The following NKAIN3 variants were observed in gnomAD, a reference collection of about 807,000 sequenced individuals.
NKAIN3 encodes sodium/potassium transporting ATPase interacting 3, also known as sodium/potassium-transporting ATPase subunit beta-1-interacting protein 3.
A neutral mutation model predicts 30.2 loss-of-function variants in NKAIN3; 25 were observed. The ratio of observed to expected loss-of-function variants is 0.83; its 90% CI spans 0.60 to 1.16. The LOEUF (loss-of-function observed/expected upper bound fraction) is 1.16, where lower values mean the gene tolerates loss of function less well. Ranked by LOEUF, NKAIN3 falls within the 50% of genes most tolerant of loss-of-function variation. NKAIN3 has a pLI of 0.00. For synonymous variants in NKAIN3, 91 were observed against 89.6 expected, an observed-to-expected ratio of 1.02 and a Z score of -0.09; for missense variants, 225 against 254.1, an observed-to-expected ratio of 0.89 and a Z score of 0.78.
intron 1 of NKAIN3, among the ~76,000 whole-genome samples, chr8:62,427,309 C>A (rs571904280): frequency 6.6e-6 from 1 of 151,924 alleles, no homozygotes; most frequent in Non-Finnish European, 1.5e-5. Context: ...GTTTATGAGG[C>A]CTTGCTATTC....
At chr8:62,407,400 T>TC (rs1585773337) in intron 1 of NKAIN3, among the ~76,000 whole-genome samples, 1 of 36,224 alleles carries the variant, frequency 2.8e-5, no homozygotes, top group East Asian at 1.0e-3. Flanking sequence ...ACTAGATAGT[T>TC]GTTTTTTTTT....
At chr8:62,511,521 G>A (rs993700047) in intron 1 of NKAIN3, among the ~76,000 whole-genome samples, 3 of 152,154 alleles carry the variant, frequency 2.0e-5, no homozygotes, top group African/African-American at 7.2e-5. Flanking sequence ...CAATAGTGGT[G>A]TGATGACTAT....
At chr8:62,401,013 T>TTCTGTCTCTCTCTC (rs1554526679) in intron 1 of NKAIN3, among the ~76,000 whole-genome samples, 1 of 143,744 alleles carries the variant, frequency 7.0e-6, no homozygotes, top group Non-Finnish European at 1.5e-5. Flanking sequence ...CTTTCTACCT[T>TTCTGTCTCTCTCTC]TCTCTCACTC....
Position 62,729,024 on chromosome 8 carries a change from CA to C in NKAIN3, c.274-17893del, listed in dbSNP as rs71501600. ...AAAAAACAAAACAAAACAAACAAAC[CA>C]AAAAAAAAAAAAAACAAAAAAAAAA... On this transcript the variant is annotated intron_variant, in intron 3 of 6. Coordinates refer to ENST00000623646, the MANE Select transcript of NKAIN3 (RefSeq NM_001304533.3). Among the ~76,000 whole-genome samples the C allele has an allele frequency of 2.4e-4, 4 of 16,448 alleles. No individual in the cohort carries two copies. The South Asian group carries it at 8.8e-3, about 36-fold the overall frequency. The allele number at this position is 16,448 out of a possible 152,430, so 10.8% of individuals were successfully genotyped here.
chr8:62,954,052 CCTA>C, intron 6 of NKAIN3, 80 bp downstream of exon 6: 1 of 267,612 alleles, frequency 3.7e-6, no homozygotes, highest in Non-Finnish European at 5.8e-6. Context: ...ATAATTTGAA[CCTA>C]CTACTACTAA....
intron 5 of NKAIN3, among the ~76,000 whole-genome samples, chr8:62,992,162 C>T (rs952380285): frequency 6.6e-6 from 1 of 151,760 alleles, no homozygotes; most frequent in Non-Finnish European, 1.5e-5. Flanking sequence ...TACAGGCATG[C>T]ACCACCACAC....
intron 1 of NKAIN3, among the ~76,000 whole-genome samples, chr8:62,392,339 G>A (rs1306574848): frequency 1.3e-5 from 2 of 151,990 alleles, no homozygotes; most frequent in Admixed American, 6.5e-5. Context: ...TTTAAAAAAT[G>A]TGTATGATTT....
intron 4 of NKAIN3, among the ~76,000 whole-genome samples, chr8:62,793,924 C>T (rs1817771670): frequency 1.3e-5 from 2 of 152,128 alleles, no homozygotes; most frequent in Admixed American, 1.3e-4. Context: ...CTAATAAAGT[C>T]ACAACAGAAA....
intron 1 of NKAIN3, among the ~76,000 whole-genome samples, chr8:62,367,226 C>T (rs1401599116): frequency 6.6e-6 from 1 of 152,128 alleles, no homozygotes; most frequent in Non-Finnish European, 1.5e-5. Context: ...ACAAATAATG[C>T]TAGCTTACCC....
At chr8:62,331,861 T>C (rs564994383) in intron 1 of NKAIN3, among the ~76,000 whole-genome samples, 1 of 152,150 alleles carries the variant, frequency 6.6e-6, no homozygotes, top group Non-Finnish European at 1.5e-5. Flanking sequence ...AATTCTGTTT[T>C]TTTCATGTTT....
chr8:62,970,171 G>C lies in NKAIN3; in HGVS notation c.*4764G>C, dbSNP rs914217288. On this transcript the variant is annotated 3_prime_UTR_variant, in exon 7 of 7. Coordinates refer to ENST00000623646, the MANE Select transcript of NKAIN3 (RefSeq NM_001304533.3). ...GAGCCCAGGAATTAGAGGCTGCAGT[G>C]AGTGCACTACTGCACTCCAGCCTAG... Among the ~76,000 whole-genome samples, 1 of 152,072 alleles carries C rather than the reference G, an allele frequency of 6.6e-6. No individual in the cohort carries two copies. The highest frequency in any genetic ancestry group is 2.1e-4 in the South Asian group (1 of 4,822).
At chr8:62,607,855 C>T (rs887271331) in intron 3 of NKAIN3, among the ~76,000 whole-genome samples, 1 of 152,012 alleles carries the variant, frequency 6.6e-6, no homozygotes, top group Non-Finnish European at 1.5e-5. Flanking sequence ...TGATCATTTT[C>T]TGAATGTTAC....
In NKAIN3 at chr8:62,493,508, C is replaced by T. The variant is rs982380792; in HGVS notation, c.55-86031C>T. ...GTTAGAATTGCCTTGGTTATTCAGACTTTCTTTTGGTTCCATATGAATTTT... is the reference window on the plus strand; with the variant it reads ...GTTAGAATTGCCTTGGTTATTCAGATTTTCTTTTGGTTCCATATGAATTTT... On this transcript the variant is annotated intron_variant, in intron 1 of 6. Transcript: ENST00000623646. 7.2e-5 allele frequency among the ~76,000 whole-genome samples: 11 copies of T among 152,052 alleles called. No individual in the cohort carries two copies. The South Asian group carries it at 1.5e-3, about 20-fold the overall frequency.
intron 3 of NKAIN3, among the ~76,000 whole-genome samples, chr8:62,727,021 T>G (rs1186640198): frequency 6.6e-6 from 1 of 152,128 alleles, no homozygotes; most frequent in Non-Finnish European, 1.5e-5. Context: ...GTGGGATTTA[T>G]TGCATGTATA....
At position 62,926,854 on chromosome 8, in the gene NKAIN3, C is replaced by T. The variant is rs773433114; in HGVS notation, c.532+8341C>T. Among the ~76,000 whole-genome samples the T allele has an allele frequency of 3.3e-5, 5 of 152,148 alleles. No homozygotes were observed. In the South Asian group the frequency reaches 8.3e-4, roughly 25 times the overall value. On this transcript the variant is annotated intron_variant, in intron 5 of 6. Coordinates refer to ENST00000623646, the MANE Select transcript of NKAIN3 (RefSeq NM_001304533.3). The stretch of plus-strand genomic sequence containing the variant: ...AGAAAAAGCAGACTTCATTTTGTCC[C>T]GTGGCTTTTGTGGCTGCTATGTCCA...
intron 5 of NKAIN3, among the ~76,000 whole-genome samples, chr8:62,923,090 A>T (rs1277725614): frequency 6.6e-6 from 1 of 152,152 alleles, no homozygotes; most frequent in African/African-American, 2.4e-5. Context: ...TGAGCTCAGC[A>T]ATTCAAGGGC....
At position 62,931,775 on chromosome 8, in the gene NKAIN3, C is replaced by T. The variant is rs1482534569; in HGVS notation, c.532+13262C>T. On this transcript the variant is annotated intron_variant, in intron 5 of 6. Coordinates refer to ENST00000623646, the MANE Select transcript of NKAIN3 (RefSeq NM_001304533.3). ...TTGAATACAGAAGACTTTACTCCTA[C>T]TAAGAGTCTCATTTTGGTTGGTTTA... Among the ~76,000 whole-genome samples the T allele has an allele frequency of 6.6e-5, 10 of 152,336 alleles. No homozygotes were observed. The East Asian group carries it at 1.9e-3, about 29-fold the overall frequency.
intron 1 of NKAIN3, among the ~76,000 whole-genome samples, chr8:62,578,845 T>C (rs1810203364): frequency 6.6e-6 from 1 of 151,778 alleles, no homozygotes; most frequent in Non-Finnish European, 1.5e-5. Flanking sequence ...TTTAAAACAA[T>C]TGAACTCATG....
intron 3 of NKAIN3, among the ~76,000 whole-genome samples, chr8:62,596,983 A>G (rs1246702228): frequency 6.6e-6 from 1 of 152,092 alleles, no homozygotes. Flanking sequence ...AGCAGTGAGT[A>G]TGCCGTTCAC....
Sources: allele counts gnomAD v4.1 joint callset (sites outside exome capture counted in the v4.1 genomes callset), GRCh38; gene constraint gnomAD v4.1.1; transcripts MANE v1.5; gene names NCBI Gene and HGNC (gene_info 2026-07-23, HGNC 2026-07-21).